Variants in SLC44A5 observed in about 807,000 individuals in gnomAD.
SLC44A5 encodes choline transporter-like protein 5.
Under a neutral mutation model 101.8 loss-of-function variants are expected in SLC44A5, and 57 were observed. The observed-to-expected ratio is 0.56, with a 90% CI of 0.45 to 0.70. The LOEUF is 0.70. Among genes scored for constraint, SLC44A5 ranks in the 30% least tolerant of loss-of-function variants. The pLI, the probability that SLC44A5 is intolerant of heterozygous loss-of-function variation, is 0.00. For synonymous variants in SLC44A5, 281 were observed against 290.9 expected, an observed-to-expected ratio of 0.97 and a Z score of 0.35; for missense variants, 737 against 853.1, an observed-to-expected ratio of 0.86 and a Z score of 1.70.
intron 2 of SLC44A5, among the ~76,000 whole-genome samples, chr1:75,432,638 A>G (rs2101600249): frequency 6.6e-6 from 1 of 152,222 alleles, no homozygotes; most frequent in Admixed American, 6.5e-5. Flanking sequence ...CTGTGTGACT[A>G]CACTACTGAA....
chr1:75,537,123 G>C (rs765267636), intron 2 of SLC44A5, among the ~76,000 whole-genome samples: 1 of 144,244 alleles, frequency 6.9e-6, no homozygotes, highest in Non-Finnish European at 1.5e-5. Context: ...ACTGTTGTTT[G>C]TATTGGTAAT....
At chr1:75,538,686 A>C (rs1446106916) in intron 2 of SLC44A5, among the ~76,000 whole-genome samples, 1 of 152,234 alleles carries the variant, frequency 6.6e-6, no homozygotes, top group East Asian at 1.9e-4. Context: ...GTAAACTGTC[A>C]GCTTACTGTT....
At chr1:75,620,632 C>G in the SLC44A5 span, among the ~76,000 whole-genome samples, 1 of 152,084 alleles carries the variant, frequency 6.6e-6, no homozygotes, top group Non-Finnish European at 1.5e-5. Context: ...TGTCTTCTTT[C>G]AAGAAGTGCC....
chr1:75,466,466 C>T (rs1160940899), intron 2 of SLC44A5, among the ~76,000 whole-genome samples: 1 of 151,798 alleles, frequency 6.6e-6, no homozygotes. Flanking sequence ...ACCAGCCTGG[C>T]CAACATAGTG....
the SLC44A5 span, chr1:75,677,991 A>G: frequency 5.4e-6 from 1 of 185,142 alleles, no homozygotes; most frequent in Non-Finnish European, 1.1e-5. Flanking sequence ...TAATCAAAGA[A>G]AGGGGTGATG....
At chr1:75,281,151 T>C (rs1258576117) in intron 5 of SLC44A5, among the ~76,000 whole-genome samples, 1 of 152,100 alleles carries the variant, frequency 6.6e-6, no homozygotes, top group Non-Finnish European at 1.5e-5. Flanking sequence ...ACTTAGAGAC[T>C]TGTTGAATAG....
At chr1:75,241,946 T>C in intron 9 of SLC44A5, 55 bp downstream of exon 9, 2 of 1,450,890 alleles carry the variant, frequency 1.4e-6, no homozygotes, top group Non-Finnish European at 1.9e-6. Flanking sequence ...GGGAACTTAA[T>C]TAAGTAGCAT....
At chr1:75,500,787 C>T (rs1668917044) in intron 2 of SLC44A5, among the ~76,000 whole-genome samples, 1 of 152,106 alleles carries the variant, frequency 6.6e-6, no homozygotes, top group Admixed American at 6.6e-5. Context: ...AATCAATGAG[C>T]ATTTCACTTC....
rs1022487842 is a variant in SLC44A5, at chr1:75,218,482, A to G, written c.1529+8T>C. ...CAAGATAGGTGTAGGCTTCAACTTG[A>G]AACTTACCGTATGGCTCGTCCAAAT... is the stretch of plus-strand genomic sequence containing the variant. On this transcript the variant is annotated splice_region_variant and intron_variant, in intron 17 of 23. Transcript: ENST00000370859. 1.5e-5 allele frequency: 25 copies of G among 1,613,336 alleles called. No homozygotes were observed. The Admixed American group carries it at 2.0e-4, about 13-fold the overall frequency.
chr1:75,350,226 C>T (rs1188152523), intron 3 of SLC44A5, among the ~76,000 whole-genome samples: 1 of 151,660 alleles, frequency 6.6e-6, no homozygotes, highest in African/African-American at 2.4e-5. Flanking sequence ...CAGTGGTCTC[C>T]CTTTGCCGTG....
chr1:75,441,597 TA>T (rs1280812700), intron 2 of SLC44A5, among the ~76,000 whole-genome samples: 1 of 151,554 alleles, frequency 6.6e-6, no homozygotes, highest in Non-Finnish European at 1.5e-5. Flanking sequence ...TTGGTTGAAT[TA>T]AAAAAATATA....
chr1:75,444,542 A>G (rs1324720290), intron 2 of SLC44A5, among the ~76,000 whole-genome samples: 2 of 150,440 alleles, frequency 1.3e-5, no homozygotes, highest in African/African-American at 4.9e-5. Flanking sequence ...CGAAGGAGAC[A>G]TAGGAATAAG....
intron 2 of SLC44A5, among the ~76,000 whole-genome samples, chr1:75,432,257 G>A (rs1216291276): frequency 6.6e-6 from 1 of 152,052 alleles, no homozygotes; most frequent in Admixed American, 6.6e-5. Context: ...TTGAATCGAA[G>A]TATGAATATT....
intron 1 of SLC44A5, among the ~76,000 whole-genome samples, chr1:75,552,150 T>C (rs1166843522): frequency 2.0e-5 from 3 of 152,144 alleles, no homozygotes; most frequent in African/African-American, 7.2e-5. Flanking sequence ...CCTGTGATCT[T>C]GGGCAAGCCA....
Position 75,464,183 on chromosome 1 carries a change from C to T in SLC44A5, c.14-67562G>A, listed in dbSNP as rs576178569. 2.5e-4 allele frequency among the ~76,000 whole-genome samples: 34 copies of T among 133,532 alleles called. No homozygotes were observed. The South Asian group carries it at 8.0e-3, about 31-fold the overall frequency. 87.6% of individuals were successfully genotyped at this position (133,532 alleles called of 152,430 possible). ...GTTGCAGTGAACCGAGATTGCACCA[C>T]TGCACTCCAGCCTGGGCGACAGAGT... On this transcript the variant is annotated intron_variant, in intron 2 of 23. Coordinates refer to ENST00000370859, the MANE Select transcript of SLC44A5 (RefSeq NM_001130058.2).
intron 5 of SLC44A5, among the ~76,000 whole-genome samples, chr1:75,299,615 A>G (rs998540651): frequency 6.6e-6 from 1 of 152,236 alleles, no homozygotes; most frequent in East Asian, 1.9e-4. Context: ...AAGGGACAGA[A>G]CCTATGTCTC....
chr1:75,430,156 T>A (rs1411651640), intron 2 of SLC44A5, among the ~76,000 whole-genome samples: 1 of 152,210 alleles, frequency 6.6e-6, no homozygotes, highest in Non-Finnish European at 1.5e-5. Flanking sequence ...GTGTTTAGGC[T>A]CTGCCTTTAT....
chr1:75,469,313 T>G (rs1184958603), intron 2 of SLC44A5, among the ~76,000 whole-genome samples: 1 of 152,210 alleles, frequency 6.6e-6, no homozygotes, highest in African/African-American at 2.4e-5. Context: ...ACAGCACAGT[T>G]GAAGACTAAC....
At chr1:75,446,745 T>G (rs1198896926) in intron 2 of SLC44A5, among the ~76,000 whole-genome samples, 1 of 152,140 alleles carries the variant, frequency 6.6e-6, no homozygotes, top group Non-Finnish European at 1.5e-5. Flanking sequence ...GACTAAATTC[T>G]CTCTTTCTAT....
Sources: gnomAD v4.1 joint callset for allele counts (sites outside exome capture counted in the v4.1 genomes callset) on GRCh38, gnomAD v4.1.1 for gene constraint, MANE v1.5 for transcripts, NCBI Gene and HGNC (gene_info 2026-07-23, HGNC 2026-07-21) for gene names.